PTPRD: variants seen among roughly 807,000 people sequenced by gnomAD.
The protein encoded by PTPRD is protein tyrosine phosphatase receptor type D.
PTPRD carries 34 observed loss-of-function variants against 214.5 expected under a neutral mutation model. That is an observed-to-expected ratio of 0.16 (90% CI 0.12 to 0.21). PTPRD has a LOEUF of 0.21. Among genes scored for constraint, PTPRD ranks in the 10% least tolerant of loss-of-function variants. The probability of loss-of-function intolerance (pLI) is 1.00; values close to 1 mark genes in which losing one functional copy is unlikely to be tolerated. For synonymous variants in PTPRD, 1,128 were observed against 845.7 expected (o/e 1.33, Z -5.79); for missense variants, 2,545 against 2,398.7 (o/e 1.06, Z -1.27).
intron 2 of PTPRD, among the ~76,000 whole-genome samples, chr9:10,579,292 C>T (rs972900778): frequency 7.9e-5 from 12 of 152,106 alleles, no homozygotes; most frequent in African/African-American, 2.9e-4. Context: ...ATAGTAGTCC[C>T]CAGTGTCTAT....
intron 11 of PTPRD, among the ~76,000 whole-genome samples, chr9:8,734,701 A>G (rs1012996117): frequency 6.6e-6 from 1 of 152,246 alleles, no homozygotes; most frequent in Non-Finnish European, 1.5e-5. Context: ...AAGGTGTCTC[A>G]AGGCAGAAAG....
chr9:9,095,112 G>T (rs2099781638), intron 10 of PTPRD, among the ~76,000 whole-genome samples: 1 of 152,030 alleles, frequency 6.6e-6, no homozygotes, highest in Admixed American at 6.6e-5. Flanking sequence ...CTAATAGGTG[G>T]TAATTATATA....
intron 5 of PTPRD, among the ~76,000 whole-genome samples, chr9:9,777,869 T>C (rs1363265434): frequency 6.6e-6 from 1 of 152,180 alleles, no homozygotes; most frequent in African/African-American, 2.4e-5. Context: ...GAAAACATCA[T>C]ACCCTTCAAC....
At position 8,484,109 on chromosome 9, in the gene PTPRD, A is replaced by G. The variant is rs776497390; in HGVS notation, c.3413+10T>C. The G allele has an allele frequency of 1.1e-5, 17 of 1,610,232 alleles. 1 individual carries two copies. Among genetic ancestry groups the G allele is most frequent in the Non-Finnish European group, 1.4e-5 (16 of 1,177,016 alleles). On this transcript the variant is annotated intron_variant, in intron 30 of 45. Transcript: ENST00000381196. ...TCTTTCCTTCAGCCCTAAGCCTTCA[A>G]TCAACTTACTTTATATTCTCATTTG...
chr9:8,567,884 T>C (rs1304801782), intron 14 of PTPRD, among the ~76,000 whole-genome samples: 3 of 152,170 alleles, frequency 2.0e-5, no homozygotes, highest in African/African-American at 7.2e-5. Flanking sequence ...ACACAATTTA[T>C]TCTTGTATAC....
chr9:10,582,091 C>A (rs1448512042), intron 2 of PTPRD, among the ~76,000 whole-genome samples: 2 of 152,104 alleles, frequency 1.3e-5, no homozygotes, highest in Non-Finnish European at 2.9e-5. Context: ...TGCTTCTTGG[C>A]AGTCCTGTGC....
At chr9:8,494,099 T>C (rs1179550229) in intron 26 of PTPRD, among the ~76,000 whole-genome samples, 5 of 151,976 alleles carry the variant, frequency 3.3e-5, no homozygotes, top group Non-Finnish European at 5.9e-5. Context: ...TGAATATGGA[T>C]AAATTTAGGA....
intron 11 of PTPRD, among the ~76,000 whole-genome samples, chr9:8,957,470 G>A (rs979302457): frequency 4.0e-5 from 6 of 151,562 alleles, no homozygotes; most frequent in African/African-American, 1.5e-4. Flanking sequence ...TTTTTGAAAT[G>A]CTGACTCTGC....
chr9:9,528,733 A>T (rs78691312), intron 8 of PTPRD, among the ~76,000 whole-genome samples: 1 of 152,036 alleles, frequency 6.6e-6, no homozygotes, highest in Non-Finnish European at 1.5e-5. Context: ...GAAATATTGC[A>T]TGCAGATAAA....
intron 11 of PTPRD, among the ~76,000 whole-genome samples, chr9:8,786,055 GTGT>G (rs143563149): frequency 0.18 from 26,881 of 151,144 alleles, 2,630 homozygotes; most frequent in East Asian, 0.27. Flanking sequence ...GTGTGTGTGT[GTGT>G]GTGTGTGTGT....
intron 10 of PTPRD, among the ~76,000 whole-genome samples, chr9:9,148,527 A>AC (rs1411589799): frequency 3.3e-5 from 5 of 152,052 alleles, no homozygotes; most frequent in Admixed American, 1.3e-4. Context: ...CCAAGTACTC[A>AC]CCCCCATATG....
intron 7 of PTPRD, among the ~76,000 whole-genome samples, chr9:9,724,370 C>T (rs2098035519): frequency 6.6e-6 from 1 of 152,164 alleles, no homozygotes; most frequent in African/African-American, 2.4e-5. Flanking sequence ...AAGCTCAACT[C>T]AATAAACATA....
chr9:8,549,003 T>C (rs995412897), intron 14 of PTPRD, among the ~76,000 whole-genome samples: 7 of 152,030 alleles, frequency 4.6e-5, no homozygotes, highest in Non-Finnish European at 1.0e-4. Context: ...CAGCTGGATA[T>C]TTTGAACCAA....
intron 14 of PTPRD, among the ~76,000 whole-genome samples, chr9:8,537,203 T>C (rs1053422820): frequency 1.3e-5 from 2 of 151,976 alleles, no homozygotes; most frequent in African/African-American, 4.8e-5. Flanking sequence ...AAATAAAAGC[T>C]AAATCACCGT....
At chr9:10,232,297 T>G (rs533381075) in intron 3 of PTPRD, among the ~76,000 whole-genome samples, 1 of 152,052 alleles carries the variant, frequency 6.6e-6, no homozygotes, top group East Asian at 2.0e-4. Context: ...CTTAATGAGA[T>G]AACTGAAATG....
chr9:9,511,242 C>T (rs1435191816), intron 8 of PTPRD, among the ~76,000 whole-genome samples: 1 of 151,732 alleles, frequency 6.6e-6, no homozygotes, highest in South Asian at 2.1e-4. Context: ...ATACCCTCAT[C>T]CTCTATGGTA....
chr9:9,777,779 T>G (rs950052344), intron 5 of PTPRD, among the ~76,000 whole-genome samples: 7 of 151,934 alleles, frequency 4.6e-5, no homozygotes, highest in South Asian at 4.2e-4. Context: ...GTTTTAATGG[T>G]TTTTTTTGTA....
At chr9:10,563,680 T>TA (rs1333507212) in intron 2 of PTPRD, among the ~76,000 whole-genome samples, 9 of 152,072 alleles carry the variant, frequency 5.9e-5, no homozygotes, top group African/African-American at 1.9e-4. Context: ...TATTTTTTTT[T>TA]ATCTTTTAAA....
chr9:9,792,394 G>C (rs1350031738), intron 5 of PTPRD, among the ~76,000 whole-genome samples: 2 of 152,136 alleles, frequency 1.3e-5, no homozygotes, highest in East Asian at 1.9e-4. Flanking sequence ...CTATCTTTAA[G>C]AGCTTTTTCA....
Sources: allele counts gnomAD v4.1 joint callset (sites outside exome capture counted in the v4.1 genomes callset), GRCh38; gene constraint gnomAD v4.1.1; transcripts MANE v1.5; gene names NCBI Gene and HGNC (gene_info 2026-07-23, HGNC 2026-07-21).